The following IL1R2 variants were observed in gnomAD, a reference collection of about 807,000 sequenced individuals.
IL1R2 encodes interleukin-1 receptor type 2.
Under a neutral mutation model 39.5 loss-of-function variants are expected in IL1R2, and 46 were observed. The observed-to-expected ratio is 1.16, with a 90% CI of 0.92 to 1.49. The LOEUF (loss-of-function observed/expected upper bound fraction) is 1.49, where lower values mean the gene tolerates loss of function less well. Among genes scored for constraint, IL1R2 ranks in the 40% most tolerant of loss-of-function variants. The pLI, the probability that IL1R2 is intolerant of heterozygous loss-of-function variation, is 0.00. For missense variants in IL1R2, 537 were observed against 502.0 expected, an observed-to-expected ratio of 1.07 and a Z score of -0.67; for synonymous variants, 207 against 189.6, an observed-to-expected ratio of 1.09 and a Z score of -0.75.
At chr2:101,995,148 G>A (rs1429448112) in intron 1 of IL1R2, among the ~76,000 whole-genome samples, 1 of 152,174 alleles carries the variant, frequency 6.6e-6, no homozygotes, top group Non-Finnish European at 1.5e-5. Flanking sequence ...AATAAAAAAG[G>A]TCACATGCTG....
intron 1 of IL1R2, among the ~76,000 whole-genome samples, chr2:101,998,441 T>C (rs1279100533): frequency 1.3e-5 from 2 of 152,222 alleles, no homozygotes; most frequent in East Asian, 1.9e-4. Context: ...TGCTTTTGAT[T>C]GAGCATTCTG....
intron 6 of IL1R2, 64 bp downstream of exon 6, chr2:102,022,313 G>GTCCCAA: frequency 7.1e-7 from 1 of 1,398,846 alleles, no homozygotes; most frequent in Non-Finnish European, 1.0e-6. Context: ...CCAATGCAGG[G>GTCCCAA]GGCTTGGGAC....
intron 1 of IL1R2, among the ~76,000 whole-genome samples, chr2:101,998,583 G>C (rs1222664411): frequency 1.3e-5 from 2 of 152,194 alleles, no homozygotes; most frequent in Non-Finnish European, 2.9e-5. Flanking sequence ...TGCTCCATGT[G>C]TCTGATTGAG....
chr2:102,015,041 T>G (rs3218894), intron 3 of IL1R2, among the ~76,000 whole-genome samples: 1 of 152,016 alleles, frequency 6.6e-6, no homozygotes, highest in Non-Finnish European at 1.5e-5. Flanking sequence ...AAATCTTTTA[T>G]GGGTCTTACA....
intron 1 of IL1R2, among the ~76,000 whole-genome samples, chr2:102,008,215 C>A (rs1559416984): frequency 6.6e-6 from 1 of 152,246 alleles, no homozygotes; most frequent in Non-Finnish European, 1.5e-5. Flanking sequence ...GAGGAAGCAG[C>A]ATCTCTGGCC....
chr2:102,022,370 G>A, intron 6 of IL1R2, 121 bp downstream of exon 6: 1 of 795,984 alleles, frequency 1.3e-6, no homozygotes, highest in Non-Finnish European at 2.2e-6. Flanking sequence ...AATGTGCCTG[G>A]GTGGAGACCT....
At chr2:102,015,189 A>T (rs1278902492) in intron 3 of IL1R2, among the ~76,000 whole-genome samples, 2 of 152,296 alleles carry the variant, frequency 1.3e-5, no homozygotes, top group African/African-American at 4.8e-5. Flanking sequence ...TTCCTGGATC[A>T]TGAAGTTGGA....
rs140502845 is a variant in IL1R2 at position 102,007,142 on chromosome 2, G to T, written c.-61-1373G>T. On this transcript the variant is annotated intron_variant, in intron 1 of 8. Transcript: ENST00000332549. Reference sequence around the variant, plus strand: ...GGTCGTTGGTTTGTTAAGCAGCATCGTTGTGGCCGTGGTTAGCAGACACAG... The same window carrying T: ...GGTCGTTGGTTTGTTAAGCAGCATCTTTGTGGCCGTGGTTAGCAGACACAG... Among the ~76,000 whole-genome samples the T allele has an allele frequency of 1.8e-4, 28 of 152,242 alleles. No homozygotes were observed. The East Asian group carries it at 5.4e-3, about 29-fold the overall frequency.
chr2:102,019,900 C>T (rs1677259120), intron 5 of IL1R2, 88 bp downstream of exon 5: 1 of 1,157,388 alleles, frequency 8.6e-7, no homozygotes, highest in Non-Finnish European at 1.2e-6. Flanking sequence ...GAATTCCTTG[C>T]AGGTCTTTGG....
chr2:102,010,573 C>G (rs1331691326), intron 3 of IL1R2, among the ~76,000 whole-genome samples: 1 of 108,648 alleles, frequency 9.2e-6, no homozygotes, highest in Non-Finnish European at 1.8e-5. Flanking sequence ...GAGACTCTGT[C>G]TAAAAAAAAA....
intron 1 of IL1R2, among the ~76,000 whole-genome samples, chr2:102,002,712 CTA>C (rs1178725904): frequency 2.6e-5 from 4 of 151,294 alleles, no homozygotes; most frequent in African/African-American, 9.8e-5. Context: ...AGGTCTATGT[CTA>C]TGTCTATGCC....
At chr2:102,025,080 A>G (rs1041983502) in intron 7 of IL1R2, among the ~76,000 whole-genome samples, 1 of 152,174 alleles carries the variant, frequency 6.6e-6, no homozygotes, top group African/African-American at 2.4e-5. Context: ...TTTCTCAGGG[A>G]GCTGTGGGCT....
In IL1R2 at chr2:102,015,856, T is replaced by TC. The variant is rs1468595040; in HGVS notation, c.333-12dup. Reference sequence around the variant, plus strand: ...TTTGCCTTGCCATTTATCTTTTTTTTCCCTTTTAAATCAGAAATGCTTCTT... The same window carrying TC: ...TTTGCCTTGCCATTTATCTTTTTTTTCCCCTTTTAAATCAGAAATGCTTCTT... On this transcript the variant is annotated splice_polypyrimidine_tract_variant and intron_variant, in intron 3 of 8. Transcript: ENST00000332549. 5.0e-6 allele frequency: 8 copies of TC among 1,597,756 alleles called. No homozygotes were observed. The highest frequency in any genetic ancestry group is 6.9e-6 in the Non-Finnish European group (8 of 1,166,818).
At chr2:102,007,121 G>A (rs925449105) in intron 1 of IL1R2, among the ~76,000 whole-genome samples, 5 of 152,160 alleles carry the variant, frequency 3.3e-5, no homozygotes, top group African/African-American at 4.8e-5. Flanking sequence ...TTCTGGGGTC[G>A]TTGGTTTGTT....
At chr2:101,996,426 T>C (rs1454888715) in intron 1 of IL1R2, among the ~76,000 whole-genome samples, 1 of 151,406 alleles carries the variant, frequency 6.6e-6, no homozygotes, top group Non-Finnish European at 1.5e-5. Context: ...GGTTTTCTTT[T>C]GCTGAGGGTG....
At chr2:102,000,268 G>T (rs1282766500) in intron 1 of IL1R2, among the ~76,000 whole-genome samples, 2 of 152,178 alleles carry the variant, frequency 1.3e-5, no homozygotes, top group Non-Finnish European at 2.9e-5. Context: ...TACTCCTCCT[G>T]TAGTGCACAC....
At chr2:102,017,447 C>CAAATATGAA (rs1240358440) in intron 4 of IL1R2, among the ~76,000 whole-genome samples, 1 of 149,688 alleles carries the variant, frequency 6.7e-6, no homozygotes, top group Non-Finnish European at 1.5e-5. Context: ...GTTAAGGGAG[C>CAAATATGAA]AAATATGAAC....
intron 3 of IL1R2, among the ~76,000 whole-genome samples, chr2:102,013,337 C>T (rs912483736): frequency 4.0e-5 from 6 of 151,440 alleles, no homozygotes; most frequent in Non-Finnish European, 5.9e-5. Flanking sequence ...TACTCTTTAG[C>T]GTTGATAGTC....
At chr2:101,992,251 G>GCAGAGGCAGAGAGACAGAGAGAGA (rs937243215) in intron 1 of IL1R2, among the ~76,000 whole-genome samples, 1 of 145,654 alleles carries the variant, frequency 6.9e-6, no homozygotes, top group Non-Finnish European at 1.5e-5. Context: ...AGAGAGACAG[G>GCAGAGGCAGAGAGACAGAGAGAGA]CAGAGGCAGA....
Sources: gnomAD v4.1 joint callset for allele counts (sites outside exome capture counted in the v4.1 genomes callset) on GRCh38, gnomAD v4.1.1 for gene constraint, MANE v1.5 for transcripts, NCBI Gene and HGNC (gene_info 2026-07-23, HGNC 2026-07-21) for gene names.